LPP: variants seen among roughly 807,000 people sequenced by gnomAD.
LPP encodes the protein lipoma-preferred partner.
In LPP, 38 loss-of-function variants were observed where a neutral mutation model predicts 60.4. The observed-to-expected ratio is 0.63, with a 90% CI of 0.49 to 0.83. The LOEUF (loss-of-function observed/expected upper bound fraction) is 0.83, where lower values mean the gene tolerates loss of function less well. Ranked by LOEUF, LPP falls within the 40% of genes least tolerant of loss-of-function variation. The pLI is 0.00. For synonymous variants in LPP, 328 were observed against 290.8 expected (o/e 1.13, Z -1.30); for missense variants, 902 against 783.6 (o/e 1.15, Z -1.80).
At chr3:188,501,925 A>C (rs1812041867) in intron 5 of LPP, among the ~76,000 whole-genome samples, 1 of 150,710 alleles carries the variant, frequency 6.6e-6, no homozygotes, top group East Asian at 2.0e-4. Flanking sequence ...AAAAAAAAAA[A>C]CAAACAAGTA....
intron 2 of LPP, among the ~76,000 whole-genome samples, chr3:188,332,401 T>A (rs1760351326): frequency 6.6e-6 from 1 of 152,200 alleles, no homozygotes; most frequent in Non-Finnish European, 1.5e-5. Flanking sequence ...ACAATACATT[T>A]AAAAAAATTA....
chr3:188,226,001 A>G (rs531780249), intron 2 of LPP, among the ~76,000 whole-genome samples: 2 of 152,124 alleles, frequency 1.3e-5, no homozygotes, highest in South Asian at 4.1e-4. Flanking sequence ...TTGTGATCTC[A>G]TTTCATTTTA....
At chr3:188,521,308 G>A (rs2150142100) in intron 5 of LPP, among the ~76,000 whole-genome samples, 1 of 152,256 alleles carries the variant, frequency 6.6e-6, no homozygotes, top group South Asian at 2.1e-4. Flanking sequence ...TGAACTTAGA[G>A]GGTAGGGAGA....
intron 3 of LPP, among the ~76,000 whole-genome samples, chr3:188,353,752 G>T (rs1766661515): frequency 1.3e-5 from 2 of 152,152 alleles, no homozygotes; most frequent in African/African-American, 4.8e-5. Flanking sequence ...TATGCTTTGG[G>T]TAACACTTTA....
chr3:188,498,966 G>A (rs1346957957), intron 5 of LPP, among the ~76,000 whole-genome samples: 2 of 152,008 alleles, frequency 1.3e-5, no homozygotes, highest in African/African-American at 4.8e-5. Context: ...TTGGAGAAAT[G>A]TCTATTCAAG....
rs920495323 is a variant in LPP, at chr3:188,884,338, A to T, written c.*9859A>T. 2.2e-5 allele frequency: 5 copies of T among 230,610 alleles called. No individual in the cohort carries two copies. Among genetic ancestry groups the T allele is most frequent in the Non-Finnish European group, 4.3e-5 (5 of 116,514 alleles). The allele number at this position is 230,610 out of a possible 1,614,324, so 14.3% of individuals were successfully genotyped here. A position where few individuals can be genotyped will look rare whatever the true frequency, so the allele number is the denominator to read the frequency against. On this transcript the variant is annotated 3_prime_UTR_variant, in exon 12 of 12. Transcript: ENST00000617246. ...GAGAACACCTTAGAGGACAATATCGACTTCTTACAGACTACCAAGCCCCCA... is the reference window on the plus strand; with the variant it reads ...GAGAACACCTTAGAGGACAATATCGTCTTCTTACAGACTACCAAGCCCCCA...
At chr3:188,760,779 C>T (rs1732046480) in intron 9 of LPP, among the ~76,000 whole-genome samples, 1 of 152,080 alleles carries the variant, frequency 6.6e-6, no homozygotes, top group Non-Finnish European at 1.5e-5. Context: ...ATGTTTCTTC[C>T]CCCTCTTATC....
intron 5 of LPP, among the ~76,000 whole-genome samples, chr3:188,486,213 T>C (rs536088981): frequency 1.2e-4 from 19 of 152,294 alleles, no homozygotes; most frequent in Admixed American, 3.3e-4. Context: ...AATGGTTTGT[T>C]CTATTATTTG....
intron 9 of LPP, among the ~76,000 whole-genome samples, chr3:188,861,606 T>G (rs776933582): frequency 6.6e-6 from 1 of 152,202 alleles, no homozygotes; most frequent in Non-Finnish European, 1.5e-5. Flanking sequence ...TTCACGTTTA[T>G]GTTATCTATA....
At chr3:188,633,637 G>A (rs1848221551) in intron 7 of LPP, among the ~76,000 whole-genome samples, 1 of 152,150 alleles carries the variant, frequency 6.6e-6, no homozygotes, top group Non-Finnish European at 1.5e-5. Flanking sequence ...GTCAGATAGG[G>A]TGAGGAGGGG....
chr3:188,296,720 C>G (rs1426699261), intron 2 of LPP, among the ~76,000 whole-genome samples: 1 of 152,196 alleles, frequency 6.6e-6, no homozygotes, highest in Non-Finnish European at 1.5e-5. Context: ...GAAATTTACC[C>G]TCTTCCTCTC....
intron 1 of LPP, among the ~76,000 whole-genome samples, chr3:188,193,525 G>T (rs1728738590): frequency 6.6e-6 from 1 of 152,222 alleles, no homozygotes; most frequent in Non-Finnish European, 1.5e-5. Context: ...TTTGTTAAGT[G>T]AGGACAACAA....
intron 7 of LPP, among the ~76,000 whole-genome samples, chr3:188,700,282 C>T (rs1224126480): frequency 1.3e-5 from 2 of 152,058 alleles, no homozygotes; most frequent in Non-Finnish European, 2.9e-5. Flanking sequence ...TATCTAACAC[C>T]ATGTAACAAA....
chr3:188,448,908 T>C (rs2149331067), intron 4 of LPP, among the ~76,000 whole-genome samples: 1 of 152,366 alleles, frequency 6.6e-6, no homozygotes, highest in Non-Finnish European at 1.5e-5. Flanking sequence ...TTAAACTGTA[T>C]TCTACCTTCT....
intron 3 of LPP, among the ~76,000 whole-genome samples, chr3:188,404,753 G>A (rs900769761): frequency 2.0e-5 from 3 of 152,192 alleles, no homozygotes; most frequent in Non-Finnish European, 4.4e-5. Context: ...ACATCTGGAG[G>A]TAATTGTGTA....
At position 188,320,554 on chromosome 3, in the gene LPP, A is replaced by G. The variant is rs531124975; in HGVS notation, c.-66-21109A>G. Among the ~76,000 whole-genome samples the G allele has an allele frequency of 7.2e-5, 11 of 152,362 alleles. No individual in the cohort carries two copies. In the South Asian group the frequency reaches 1.9e-3, roughly 26 times the overall value. ...AAGGAGTAAGAAACGGAACTCGCCC[A>G]TTCCTGACAACTAATCCTTTTCCTT... is the stretch of plus-strand genomic sequence containing the variant. On this transcript the variant is annotated intron_variant, in intron 2 of 11. Transcript: ENST00000617246.
intron 7 of LPP, among the ~76,000 whole-genome samples, chr3:188,639,837 G>A (rs899350633): frequency 0.016 from 2,505 of 152,228 alleles, 28 homozygotes; most frequent in South Asian, 0.034. Flanking sequence ...CACACCAGTT[G>A]GAATGGCAAT....
chr3:188,384,329 C>T (rs74774152), intron 3 of LPP, among the ~76,000 whole-genome samples: 1 of 14,736 alleles, frequency 6.8e-5, no homozygotes, highest in African/African-American at 2.8e-4. Context: ...TATGTATGTG[C>T]ATGTGTGTGT....
intron 4 of LPP, among the ~76,000 whole-genome samples, chr3:188,428,901 C>A (rs1790189124): frequency 6.6e-6 from 1 of 151,846 alleles, no homozygotes; most frequent in Non-Finnish European, 1.5e-5. Context: ...TTCAAAAAAA[C>A]AAAAACAAAA....
Sources: gnomAD v4.1 joint callset for allele counts (sites outside exome capture counted in the v4.1 genomes callset) on GRCh38, gnomAD v4.1.1 for gene constraint, MANE v1.5 for transcripts, NCBI Gene and HGNC (gene_info 2026-07-23, HGNC 2026-07-21) for gene names.